Variants in SLC44A5 observed in about 807,000 individuals in gnomAD.
SLC44A5 encodes the protein solute carrier family 44 member 5.
In SLC44A5, 57 loss-of-function variants were observed where a neutral mutation model predicts 101.8. That is an observed-to-expected ratio of 0.56 (90% CI 0.45 to 0.70). The LOEUF is 0.70. Ranked by LOEUF, SLC44A5 falls within the 30% of genes least tolerant of loss-of-function variation. SLC44A5 has a pLI of 0.00. For synonymous variants in SLC44A5, 281 were observed against 290.9 expected, an observed-to-expected ratio of 0.97 and a Z score of 0.35; for missense variants, 737 against 853.1, an observed-to-expected ratio of 0.86 and a Z score of 1.70.
intron 1 of SLC44A5, among the ~76,000 whole-genome samples, chr1:75,597,179 CTT>C (rs1176507076): frequency 2.4e-5 from 3 of 122,600 alleles, no homozygotes; most frequent in Non-Finnish European, 5.0e-5. Flanking sequence ...TAGAGCCAGA[CTT>C]TGTCTCAAAA....
In SLC44A5 at chr1:75,532,273, G is replaced by A. The variant is rs533421232; in HGVS notation, c.13+9162C>T. On this transcript the variant is annotated intron_variant, in intron 2 of 23. Transcript: ENST00000370859. Reference sequence around the variant, plus strand: ...AGCATACTCTCGGGAATTAACTTCCGGGATTTAAAATCCACCTCTTACACT... The same window carrying A: ...AGCATACTCTCGGGAATTAACTTCCAGGATTTAAAATCCACCTCTTACACT... Among the ~76,000 whole-genome samples, 9 of 152,118 alleles carry A rather than the reference G, an allele frequency of 5.9e-5. No individual in the cohort carries two copies. In the East Asian group the frequency reaches 1.4e-3, roughly 23 times the overall value.
intron 3 of SLC44A5, among the ~76,000 whole-genome samples, chr1:75,344,571 C>T (rs1220979793): frequency 1.3e-5 from 2 of 151,926 alleles, no homozygotes; most frequent in African/African-American, 4.8e-5. Context: ...GCAGATGAGT[C>T]AAAGAAGGAA....
At chr1:75,418,613 T>G (rs902229846) in intron 2 of SLC44A5, among the ~76,000 whole-genome samples, 7 of 152,030 alleles carry the variant, frequency 4.6e-5, no homozygotes, top group African/African-American at 1.7e-4. Context: ...TTAGCCAGTA[T>G]TACTGGAGGG....
chr1:75,423,542 G>A (rs1453032593), intron 2 of SLC44A5, among the ~76,000 whole-genome samples: 2 of 152,180 alleles, frequency 1.3e-5, no homozygotes, highest in Admixed American at 6.5e-5. Context: ...TTTAAGAAAT[G>A]AAGCTTTCGC....
At chr1:75,449,231 A>G (rs1342782846) in intron 2 of SLC44A5, among the ~76,000 whole-genome samples, 4 of 152,060 alleles carry the variant, frequency 2.6e-5, no homozygotes, top group African/African-American at 7.2e-5. Flanking sequence ...TGCAGCTTTA[A>G]TTTTGGCTTG....
At chr1:75,522,256 T>C (rs1670168357) in intron 2 of SLC44A5, 1 of 152,150 alleles carries the variant, frequency 6.6e-6, no homozygotes, top group Non-Finnish European at 1.5e-5. Flanking sequence ...TGGAGTGTTC[T>C]ATGTGTATAA....
intron 2 of SLC44A5, among the ~76,000 whole-genome samples, chr1:75,502,368 T>A (rs895521592): frequency 2.6e-5 from 4 of 152,202 alleles, no homozygotes; most frequent in African/African-American, 7.2e-5. Flanking sequence ...AAAACATTTT[T>A]GCCTGTATAT....
At chr1:75,598,381 C>G (rs981412158) in intron 1 of SLC44A5, among the ~76,000 whole-genome samples, 1 of 152,106 alleles carries the variant, frequency 6.6e-6, no homozygotes, top group African/African-American at 2.4e-5. Flanking sequence ...CCTCAAAGAG[C>G]TAAAAAGAGA....
At chr1:75,336,728 C>A (rs1657473694) in intron 4 of SLC44A5, among the ~76,000 whole-genome samples, 1 of 152,216 alleles carries the variant, frequency 6.6e-6, no homozygotes, top group East Asian at 1.9e-4. Flanking sequence ...ACAGAATAGG[C>A]TGAACTTTTT....
At chr1:75,699,064 G>C in the SLC44A5 span, among the ~76,000 whole-genome samples, 1 of 152,162 alleles carries the variant, frequency 6.6e-6, no homozygotes, top group Non-Finnish European at 1.5e-5. Flanking sequence ...ATGGAACCAA[G>C]TTGGAAAACA....
At chr1:75,391,647 G>A (rs554455716) in intron 3 of SLC44A5, among the ~76,000 whole-genome samples, 74 of 152,184 alleles carry the variant, frequency 4.9e-4, no homozygotes, top group Admixed American at 1.6e-3. Context: ...AATAAATGGT[G>A]TTGTGGTAGC....
rs1346672304 is a variant in SLC44A5 at position 75,479,499 on chromosome 1, G to A, written c.13+61936C>T. On this transcript the variant is annotated intron_variant, in intron 2 of 23. Coordinates refer to ENST00000370859, the MANE Select transcript of SLC44A5 (RefSeq NM_001130058.2). Reference sequence around the variant, plus strand: ...AAAGGATCAACAAAATTGATAGACCGCTAGCAAGACTAATGAAGAAGAAAA... The same window carrying A: ...AAAGGATCAACAAAATTGATAGACCACTAGCAAGACTAATGAAGAAGAAAA... Among the ~76,000 whole-genome samples, 36 of 132,974 alleles carry A rather than the reference G, an allele frequency of 2.7e-4. No homozygotes were observed. In the East Asian group the frequency reaches 4.9e-3, roughly 18 times the overall value. The allele number at this position is 132,974 out of a possible 152,430, so 87.2% of individuals were successfully genotyped here. A position where few individuals can be genotyped will look rare whatever the true frequency, so the allele number is the denominator to read the frequency against.
the SLC44A5 span, among the ~76,000 whole-genome samples, chr1:75,621,656 TTAA>T: frequency 6.6e-6 from 1 of 152,102 alleles, no homozygotes; most frequent in Non-Finnish European, 1.5e-5. Flanking sequence ...CCCACCAATT[TTAA>T]TAATATTGTA....
At chr1:75,346,678 G>C (rs1054655027) in intron 3 of SLC44A5, among the ~76,000 whole-genome samples, 2 of 152,018 alleles carry the variant, frequency 1.3e-5, no homozygotes, top group Non-Finnish European at 2.9e-5. Flanking sequence ...AAGCAAACAA[G>C]AACATGAATT....
chr1:75,303,088 A>G (rs1161498610), intron 4 of SLC44A5, among the ~76,000 whole-genome samples: 1 of 152,198 alleles, frequency 6.6e-6, no homozygotes, highest in Non-Finnish European at 1.5e-5. Context: ...TATGTTACAT[A>G]CTATTATAAG....
chr1:75,508,576 G>A (rs1324576753), intron 2 of SLC44A5, among the ~76,000 whole-genome samples: 1 of 151,654 alleles, frequency 6.6e-6, no homozygotes, highest in Non-Finnish European at 1.5e-5. Flanking sequence ...TCTTTAAAAG[G>A]ATAAACATGT....
Position 75,214,590 on chromosome 1 carries a change from A to C in SLC44A5, c.1802+15T>G. On this transcript the variant is annotated intron_variant, in intron 20 of 23. Coordinates refer to ENST00000370859, the MANE Select transcript of SLC44A5 (RefSeq NM_001130058.2). The stretch of plus-strand genomic sequence containing the variant: ...ACTACATTGTTAAATTACATTGTGC[A>C]GCCTGATTACTTACTTCAAAACATT... 6.2e-7 allele frequency: 1 copy of C among 1,607,384 alleles called. No individual in the cohort carries two copies. The highest frequency in any genetic ancestry group is 8.5e-7 in the Non-Finnish European group (1 of 1,175,020).
At chr1:75,432,273 C>T (rs1432334517) in intron 2 of SLC44A5, among the ~76,000 whole-genome samples, 1 of 152,088 alleles carries the variant, frequency 6.6e-6, no homozygotes, top group Admixed American at 6.6e-5. Context: ...ATATTCTTCA[C>T]CAGAAACCAA....
intron 2 of SLC44A5, among the ~76,000 whole-genome samples, chr1:75,429,042 T>C (rs1222932003): frequency 6.6e-6 from 1 of 152,198 alleles, no homozygotes; most frequent in Non-Finnish European, 1.5e-5. Context: ...ATCCTCCCTG[T>C]AGGTTTTAAA....
Sources: gnomAD v4.1 joint callset for allele counts (sites outside exome capture counted in the v4.1 genomes callset) on GRCh38, gnomAD v4.1.1 for gene constraint, MANE v1.5 for transcripts, NCBI Gene and HGNC (gene_info 2026-07-23, HGNC 2026-07-21) for gene names.